PSMB1: variants seen among roughly 807,000 people sequenced by gnomAD.
PSMB1 encodes proteasome 20S subunit beta 1.
In PSMB1, 7 loss-of-function variants were observed where a neutral mutation model predicts 25.4. That is an observed-to-expected ratio of 0.28 (90% CI 0.16 to 0.52). The LOEUF (loss-of-function observed/expected upper bound fraction) is 0.52, where lower values mean the gene tolerates loss of function less well. Among genes scored for constraint, PSMB1 ranks in the 20% least tolerant of loss-of-function variants. The pLI is 0.97. For missense variants in PSMB1, 284 were observed against 302.2 expected (o/e 0.94, Z 0.45); for synonymous variants, 119 against 115.0 (o/e 1.03, Z -0.22).
intron 4 of PSMB1, 140 bp from the exon 5 acceptor site, chr6:170,537,480 A>C (rs1379072885): frequency 1.6e-6 from 1 of 642,170 alleles, no homozygotes; most frequent in East Asian, 2.8e-5. Context: ...GAACACAGCC[A>C]CTGTTGCACT....
chr6:170,538,194 A>C lies in PSMB1; in HGVS notation c.434-854T>G, dbSNP rs140364495. 3.8e-3 allele frequency among the ~76,000 whole-genome samples: 575 copies of C among 152,344 alleles called. 5 individuals carry two copies. Among genetic ancestry groups the C allele is most frequent in the African/African-American group, 0.012 (516 of 41,570 alleles). On this transcript the variant is annotated intron_variant, in intron 4 of 5. Transcript: ENST00000262193. ...TGTTACAAAGAACACAGGTGATTCTACAATCGTTAAAAAGGCCTGTTAAAA... is the reference window on the plus strand; with the variant it reads ...TGTTACAAAGAACACAGGTGATTCTCCAATCGTTAAAAAGGCCTGTTAAAA...
At chr6:170,537,460 G>GT (rs1304231482) in intron 4 of PSMB1, 120 bp from the exon 5 acceptor site, 29 of 689,196 alleles carry the variant, frequency 4.2e-5, no homozygotes, top group Non-Finnish European at 6.0e-5. Context: ...AAAACTTCAG[G>GT]GAACAGTTGG....
chr6:170,537,284 T>G lies in PSMB1; in HGVS notation c.490A>C (p.Lys164Gln). Residue 164 changes from lysine to glutamine, a missense_variant, in exon 5 of 6, where the codon AAG becomes CAG. Physicochemically the swap from Lys to Gln is moderately conservative, Grantham distance 53. Coordinates refer to ENST00000262193, the MANE Select transcript of PSMB1 (RefSeq NM_002793.4). ...ATGGCACTTGCTGAGCCTCCAGCCTTGAAGGAGTCTCTCTGGTAAGACCCT... is the reference window on the plus strand; with the variant it reads ...ATGGCACTTGCTGAGCCTCCAGCCTGGAAGGAGTCTCTCTGGTAAGACCCT... ...PVGSYQRDSF[K>Q]AGGSASAMLQ... The G allele has an allele frequency of 6.2e-7, 1 of 1,614,148 alleles. No homozygotes were observed. Among genetic ancestry groups the G allele is most frequent in the Non-Finnish European group, 8.5e-7 (1 of 1,180,018 alleles).
At chr6:170,545,383 G>A (rs1425849322) in intron 3 of PSMB1, among the ~76,000 whole-genome samples, 3 of 152,036 alleles carry the variant, frequency 2.0e-5, no homozygotes, top group Non-Finnish European at 4.4e-5. Flanking sequence ...AGTCACTATG[G>A]CTTTCAATGT....
intron 1 of PSMB1, chr6:170,550,326 T>C (rs1161867320): frequency 2.0e-5 from 3 of 152,238 alleles, no homozygotes; most frequent in African/African-American, 7.2e-5. Flanking sequence ...CATAAGCACA[T>C]GTAGTGACGT....
chr6:170,553,247 C>T lies in PSMB1; in HGVS notation c.-5G>A. ...CATGGCTGTAGAGGACAACATCGCA[C>T]GGCTGCGCCTGCGGATCCGACACTT... On this transcript the variant is annotated 5_prime_UTR_variant, in exon 1 of 6. In the 5' UTR this introduces an upstream ATG that the reference lacks. Coordinates refer to ENST00000262193, the MANE Select transcript of PSMB1 (RefSeq NM_002793.4). 2 of 1,598,848 alleles carry T rather than the reference C, an allele frequency of 1.3e-6. No individual in the cohort carries two copies. Among genetic ancestry groups the T allele is most frequent in the Non-Finnish European group, 1.7e-6 (2 of 1,169,176 alleles).
chr6:170,544,495 T>C (rs1030251711), intron 3 of PSMB1, among the ~76,000 whole-genome samples: 5 of 152,328 alleles, frequency 3.3e-5, no homozygotes, highest in Middle Eastern at 3.4e-3. Flanking sequence ...ACAAAAATTA[T>C]AAACATAAAA....
intron 2 of PSMB1, among the ~76,000 whole-genome samples, chr6:170,547,139 G>C (rs7756346): frequency 0.034 from 5,224 of 152,258 alleles, 300 homozygotes; most frequent in African/African-American, 0.12. Context: ...TGTGGAAACA[G>C]TATAAACTGA....
At chr6:170,542,547 T>C (rs966797514) in intron 4 of PSMB1, among the ~76,000 whole-genome samples, 5 of 152,184 alleles carry the variant, frequency 3.3e-5, no homozygotes, top group African/African-American at 9.7e-5. Context: ...ATTACCCCTG[T>C]TGCTAAACAC....
intron 4 of PSMB1, among the ~76,000 whole-genome samples, chr6:170,538,007 G>C (rs1778715608): frequency 6.6e-6 from 1 of 152,210 alleles, no homozygotes; most frequent in South Asian, 2.1e-4. Flanking sequence ...TCTGTAACCT[G>C]TAAAATACGA....
chr6:170,548,343 GACC>G (rs1401524026), intron 2 of PSMB1, among the ~76,000 whole-genome samples: 1 of 152,108 alleles, frequency 6.6e-6, no homozygotes, highest in Non-Finnish European at 1.5e-5. Context: ...GGTAAATACA[GACC>G]ACTGCCAATC....
At chr6:170,540,278 G>A (rs1388682913) in intron 4 of PSMB1, among the ~76,000 whole-genome samples, 1 of 152,136 alleles carries the variant, frequency 6.6e-6, no homozygotes. Flanking sequence ...CATTAGCAGA[G>A]GCTCTGGACT....
At chr6:170,549,209 T>C (rs1477033002) in intron 1 of PSMB1, 96 bp from the exon 2 acceptor site, 3 of 583,894 alleles carry the variant, frequency 5.1e-6, no homozygotes, top group Admixed American at 3.3e-5. Context: ...TAAAATACTC[T>C]AGATGTCAAC....
At chr6:170,537,788 G>C (rs1440817099) in intron 4 of PSMB1, among the ~76,000 whole-genome samples, 2 of 152,216 alleles carry the variant, frequency 1.3e-5, no homozygotes, top group Non-Finnish European at 2.9e-5. Context: ...TAGTAGGTAA[G>C]GACCCGTAAG....
chr6:170,546,182 G>A lies in PSMB1; in HGVS notation c.224C>T (p.Thr75Ile), dbSNP rs767627859. 1 of 1,613,598 alleles carries A rather than the reference G, an allele frequency of 6.2e-7. No individual in the cohort carries two copies. Among genetic ancestry groups the A allele is most frequent in the Non-Finnish European group, 8.5e-7 (1 of 1,179,700 alleles). Reference protein sequence around the residue: ...TRDSPKCYKLTDKTVIGCSGF... With the variant: ...TRDSPKCYKLIDKTVIGCSGF... ...GCTGCATCCAATGACTGTTTTGTCT[G>A]TTCTGTAAAAAGCACATTTCAGAAA... Residue 75 changes from threonine (T) to isoleucine (I), a missense_variant and splice_region_variant, in exon 3 of 6, where the codon ACA (threonine) becomes ATA (isoleucine). Coordinates refer to ENST00000262193, the MANE Select transcript of PSMB1 (RefSeq NM_002793.4).
In PSMB1 at chr6:170,535,178, A is replaced by C. The variant is rs557019873; in HGVS notation, c.*42T>G. ...TCCAAGGTACAGTTCCAAAGTACAA[A>C]ATCAACCAGGTCTGAACTGATTGGT... is the stretch of plus-strand genomic sequence containing the variant. On this transcript the variant is annotated 3_prime_UTR_variant, in exon 6 of 6. Transcript: ENST00000262193. 76 of 1,556,136 alleles carry C rather than the reference A, an allele frequency of 4.9e-5. 1 individual carries two copies. The South Asian group carries it at 8.1e-4, about 16-fold the overall frequency.
At chr6:170,541,418 T>C (rs1583113930) in intron 4 of PSMB1, among the ~76,000 whole-genome samples, 1 of 152,298 alleles carries the variant, frequency 6.6e-6, no homozygotes, top group South Asian at 2.1e-4. Flanking sequence ...TAAAGGTCTA[T>C]GTTACCAAAA....
Position 170,553,290 on chromosome 6 carries a change from T to C in PSMB1, c.-48A>G, listed in dbSNP as rs755859794. 2.8e-6 allele frequency: 4 copies of C among 1,426,742 alleles called. No homozygotes were observed. Among genetic ancestry groups the C allele is most frequent in the African/African-American group, 2.8e-5 (2 of 71,486 alleles). The allele number at this position is 1,426,742 out of a possible 1,614,324, so 88.4% of individuals were successfully genotyped here. On this transcript the variant is annotated 5_prime_UTR_variant, in exon 1 of 6. Transcript: ENST00000262193. ...CGACACTTGCTGTCTCACGGCGAGA[T>C]GGCTGCCTTGACCGGACGTTACGCC...
Position 170,543,705 on chromosome 6 carries a change from G to C in PSMB1, c.329C>G (p.Ala110Gly), listed in dbSNP as rs768870187. ...TGCAGCAATTGCCCCCGTAGTCATGGCCTTATTATTGGAATGCTTATACAT... is the reference window on the plus strand; with the variant it reads ...TGCAGCAATTGCCCCCGTAGTCATGCCCTTATTATTGGAATGCTTATACAT... ...LKMYKHSNNKAMTTGAIAAML... is the reference protein window; with the variant it reads ...LKMYKHSNNKGMTTGAIAAML... The change falls in exon 4 of 6, where the codon GCC becomes GGC. Residue 110 changes from alanine to glycine, a missense_variant. Physicochemically the swap from Ala to Gly is moderately conservative, Grantham distance 60 (BLOSUM62 0). Coordinates refer to ENST00000262193, the MANE Select transcript of PSMB1 (RefSeq NM_002793.4). 1.2e-6 allele frequency: 2 copies of C among 1,610,402 alleles called. No homozygotes were observed. The highest frequency in any genetic ancestry group is 2.2e-5 in the South Asian group (2 of 90,518).
Sources: allele counts gnomAD v4.1 joint callset (sites outside exome capture counted in the v4.1 genomes callset), GRCh38; gene constraint gnomAD v4.1.1; transcripts MANE v1.5; gene names NCBI Gene and HGNC (gene_info 2026-07-23, HGNC 2026-07-21).